GNG12: variants seen among roughly 807,000 people sequenced by gnomAD.
GNG12 encodes guanine nucleotide-binding protein G(I)/G(S)/G(O) subunit gamma-12.
For missense variants in GNG12, 69 were observed against 83.8 expected, an observed-to-expected ratio of 0.82 and a Z score of 0.69; for synonymous variants, 28 against 29.7, an observed-to-expected ratio of 0.94 and a Z score of 0.19.
chr1:67,756,893 C>G (rs1222292774), intron 2 of GNG12, among the ~76,000 whole-genome samples: 2 of 152,216 alleles, frequency 1.3e-5, no homozygotes, highest in East Asian at 3.8e-4. Flanking sequence ...CCGGTGTACC[C>G]TGCTGAGGTT....
At chr1:67,809,685 A>T (rs939045979) in intron 1 of GNG12, among the ~76,000 whole-genome samples, 1 of 152,176 alleles carries the variant, frequency 6.6e-6, no homozygotes, top group African/African-American at 2.4e-5. Flanking sequence ...AAATAGGTTC[A>T]ATATTACGTC....
At chr1:67,721,989 G>A (rs950691259) in intron 2 of GNG12, among the ~76,000 whole-genome samples, 1 of 151,976 alleles carries the variant, frequency 6.6e-6, no homozygotes, top group Non-Finnish European at 1.5e-5. Flanking sequence ...CAAAGCAGAA[G>A]AACACAGAAA....
chr1:67,789,483 A>G (rs1646788755), intron 1 of GNG12, among the ~76,000 whole-genome samples: 1 of 152,214 alleles, frequency 6.6e-6, no homozygotes, highest in African/African-American at 2.4e-5. Flanking sequence ...TGATATAACT[A>G]TGATTCCTCT....
intron 1 of GNG12, among the ~76,000 whole-genome samples, chr1:67,788,600 C>T (rs974049822): frequency 3.3e-5 from 5 of 152,076 alleles, no homozygotes; most frequent in African/African-American, 1.2e-4. Context: ...CTTGGCCTCC[C>T]GAAGCATAAG....
At chr1:67,720,890 G>A (rs1222912215) in intron 2 of GNG12, among the ~76,000 whole-genome samples, 3 of 152,172 alleles carry the variant, frequency 2.0e-5, no homozygotes, top group Non-Finnish European at 4.4e-5. Flanking sequence ...AGAAATGGGA[G>A]CATATTATAC....
chr1:67,789,250 C>G (rs1646787275), intron 1 of GNG12, among the ~76,000 whole-genome samples: 1 of 152,168 alleles, frequency 6.6e-6, no homozygotes, highest in Non-Finnish European at 1.5e-5. Context: ...CAGGCTAATG[C>G]TCTTTGGTGA....
At chr1:67,788,204 T>C (rs1233095864) in intron 1 of GNG12, among the ~76,000 whole-genome samples, 1 of 152,220 alleles carries the variant, frequency 6.6e-6, no homozygotes, top group African/African-American at 2.4e-5. Context: ...GTGATTACTA[T>C]CTGTGTGCTA....
chr1:67,804,896 T>C (rs1179928743), intron 1 of GNG12, among the ~76,000 whole-genome samples: 1 of 152,128 alleles, frequency 6.6e-6, no homozygotes, highest in Non-Finnish European at 1.5e-5. Flanking sequence ...CCTCACTGAA[T>C]GGGGAAGAAA....
chr1:67,830,665 A>G (rs1647038167), intron 1 of GNG12, among the ~76,000 whole-genome samples: 3 of 152,244 alleles, frequency 2.0e-5, no homozygotes. Context: ...CTGACTGTCA[A>G]AATTACTATG....
chr1:67,831,310 T>C (rs1017142143), intron 1 of GNG12, among the ~76,000 whole-genome samples: 1 of 152,222 alleles, frequency 6.6e-6, no homozygotes, highest in Non-Finnish European at 1.5e-5. Flanking sequence ...TCTCACACTT[T>C]AATAAACCAC....
Position 67,778,988 on chromosome 1 carries a change from G to A in GNG12, c.-76-1481C>T, listed in dbSNP as rs573115012. On this transcript the variant is annotated intron_variant, in intron 1 of 3. Transcript: ENST00000370982. ...CAGGTGGGGTCGAAAAGGCTGCACC[G>A]GGTCTGGAGGTTTGTCTGGATGACC... is the stretch of plus-strand genomic sequence containing the variant. Among the ~76,000 whole-genome samples, 7 of 152,238 alleles carry A rather than the reference G, an allele frequency of 4.6e-5. No individual in the cohort carries two copies. In the East Asian group the frequency reaches 5.8e-4, roughly 13 times the overall value.
intron 2 of GNG12, among the ~76,000 whole-genome samples, chr1:67,732,003 A>G (rs566250188): frequency 1.1e-4 from 16 of 152,372 alleles, no homozygotes; most frequent in African/African-American, 3.4e-4. Flanking sequence ...ATGTCCACTT[A>G]AAATCATTTA....
chr1:67,787,078 CCCT>C (rs1445645227), intron 1 of GNG12, among the ~76,000 whole-genome samples: 3 of 114,004 alleles, frequency 2.6e-5, no homozygotes, highest in African/African-American at 6.6e-5. Context: ...TGTATAGTCC[CCCT>C]CCTCAAGGAA....
At chr1:67,779,935 T>C (rs144412747) in intron 1 of GNG12, among the ~76,000 whole-genome samples, 1 of 152,254 alleles carries the variant, frequency 6.6e-6, no homozygotes, top group Non-Finnish European at 1.5e-5. Flanking sequence ...TATAACACAA[T>C]GCTATTTGTG....
At chr1:67,735,781 T>C (rs1351927287) in intron 2 of GNG12, among the ~76,000 whole-genome samples, 1 of 152,176 alleles carries the variant, frequency 6.6e-6, no homozygotes, top group Non-Finnish European at 1.5e-5. Flanking sequence ...AAAAAATTCT[T>C]CCATGAAAGA....
chr1:67,801,982 T>G (rs1646868641), intron 1 of GNG12, among the ~76,000 whole-genome samples: 1 of 147,602 alleles, frequency 6.8e-6, no homozygotes, highest in African/African-American at 2.5e-5. Flanking sequence ...AGGAGGGAGG[T>G]ACAGGGGAGG....
intron 2 of GNG12, among the ~76,000 whole-genome samples, chr1:67,727,793 CTAAT>C (rs1282966313): frequency 6.6e-6 from 1 of 152,176 alleles, no homozygotes; most frequent in Non-Finnish European, 1.5e-5. Context: ...TTAGATAGGG[CTAAT>C]TAATTACTTA....
At chr1:67,808,348 T>C (rs2100805673) in intron 1 of GNG12, among the ~76,000 whole-genome samples, 1 of 152,182 alleles carries the variant, frequency 6.6e-6, no homozygotes, top group East Asian at 1.9e-4. Context: ...ATAGCCCATA[T>C]TTAATAGTGA....
intron 2 of GNG12, among the ~76,000 whole-genome samples, chr1:67,736,950 G>A (rs374993512): frequency 6.6e-6 from 1 of 152,230 alleles, no homozygotes; most frequent in Non-Finnish European, 1.5e-5. Context: ...TTGCAGATGT[G>A]TAAACTGAGG....
Sources: gnomAD v4.1 joint callset for allele counts (sites outside exome capture counted in the v4.1 genomes callset) on GRCh38, gnomAD v4.1.1 for gene constraint, MANE v1.5 for transcripts, NCBI Gene and HGNC (gene_info 2026-07-23, HGNC 2026-07-21) for gene names.